Variants in BMPR1B observed in about 807,000 individuals in gnomAD.
BMPR1B encodes the protein bone morphogenetic protein receptor type-1B.
Under a neutral mutation model 59.1 loss-of-function variants are expected in BMPR1B, and 12 were observed. The ratio of observed to expected loss-of-function variants is 0.20; its 90% CI spans 0.13 to 0.33. BMPR1B has a LOEUF of 0.33. Among genes scored for constraint, BMPR1B ranks in the 10% least tolerant of loss-of-function variants. The pLI, the probability that BMPR1B is intolerant of heterozygous loss-of-function variation, is 1.00. For synonymous variants in BMPR1B, 237 were observed against 207.3 expected (o/e 1.14, Z -1.23); for missense variants, 550 against 610.9 (o/e 0.90, Z 1.05).
At chr4:95,047,440 T>C (rs1013348239) in intron 3 of BMPR1B, among the ~76,000 whole-genome samples, 1 of 152,204 alleles carries the variant, frequency 6.6e-6, no homozygotes, top group Non-Finnish European at 1.5e-5. Flanking sequence ...CTGATGTATT[T>C]CTCATAGACT....
chr4:94,759,975 C>A (rs1413346892), intron 1 of BMPR1B, among the ~76,000 whole-genome samples: 1 of 152,150 alleles, frequency 6.6e-6, no homozygotes, highest in Non-Finnish European at 1.5e-5. Context: ...AGCTACAAAA[C>A]TTGATACAGT....
At chr4:94,835,354 TATAAG>T (rs1250406676) in intron 1 of BMPR1B, among the ~76,000 whole-genome samples, 3 of 152,238 alleles carry the variant, frequency 2.0e-5, no homozygotes, top group East Asian at 3.9e-4. Context: ...TTTTTTAAAA[TATAAG>T]ATATGATGAT....
intron 1 of BMPR1B, among the ~76,000 whole-genome samples, chr4:94,826,879 T>G (rs1267817142): frequency 6.6e-6 from 1 of 152,162 alleles, no homozygotes; most frequent in Non-Finnish European, 1.5e-5. Context: ...ATGTAGGAAT[T>G]AAAATATAGT....
intron 3 of BMPR1B, among the ~76,000 whole-genome samples, chr4:95,027,447 G>A (rs1381884812): frequency 2.6e-5 from 4 of 152,114 alleles, no homozygotes; most frequent in Admixed American, 1.3e-4. Flanking sequence ...AACTCAAGTT[G>A]CATTATTATT....
chr4:95,088,221 G>A (rs193117625), intron 3 of BMPR1B, among the ~76,000 whole-genome samples: 7 of 152,214 alleles, frequency 4.6e-5, no homozygotes, highest in African/African-American at 1.4e-4. Context: ...ACTGTTTATA[G>A]TATAATAGCT....
intron 12 of BMPR1B, among the ~76,000 whole-genome samples, chr4:95,154,007 C>A (rs1248531904): frequency 6.6e-6 from 1 of 152,170 alleles, no homozygotes; most frequent in East Asian, 1.9e-4. Flanking sequence ...TACTTGATAT[C>A]TCTTCACTGA....
chr4:94,770,999 A>G lies in BMPR1B; in HGVS notation c.-183+12931A>G, dbSNP rs986240584. Among the ~76,000 whole-genome samples the G allele has an allele frequency of 5.3e-5, 8 of 152,274 alleles. 1 individual carries two copies. Among genetic ancestry groups the G allele is most frequent in the African/African-American group, 1.9e-4 (8 of 41,540 alleles). On this transcript the variant is annotated intron_variant, in intron 1 of 12. Transcript: ENST00000515059. ...ATACACAGACCTTAGAAATTTGTCAAATTGCTAAGAAGTAATTATAACACG... is the reference window on the plus strand; with the variant it reads ...ATACACAGACCTTAGAAATTTGTCAGATTGCTAAGAAGTAATTATAACACG...
chr4:94,896,271 G>T (rs918987941), intron 2 of BMPR1B, among the ~76,000 whole-genome samples: 8 of 152,002 alleles, frequency 5.3e-5, no homozygotes, highest in Admixed American at 1.3e-4. Context: ...TATATACGTA[G>T]CCCAAGAGTA....
chr4:94,818,702 GT>G (rs1255358649), intron 1 of BMPR1B, among the ~76,000 whole-genome samples: 8 of 152,122 alleles, frequency 5.3e-5, no homozygotes, highest in Non-Finnish European at 1.2e-4. Context: ...CTCATCCCAT[GT>G]AATTACTTAT....
chr4:94,917,150 G>T (rs570957595), intron 2 of BMPR1B, among the ~76,000 whole-genome samples: 2 of 152,356 alleles, frequency 1.3e-5, no homozygotes, highest in South Asian at 2.1e-4. Context: ...TCCAGGCAGA[G>T]GCCTGCTACA....
At chr4:95,150,060 TAATC>T (rs1193582809) in intron 11 of BMPR1B, among the ~76,000 whole-genome samples, 2 of 152,204 alleles carry the variant, frequency 1.3e-5, no homozygotes, top group Admixed American at 1.3e-4. Flanking sequence ...AAGAAACAGT[TAATC>T]AACCTGCATT....
intron 3 of BMPR1B, among the ~76,000 whole-genome samples, chr4:95,000,757 A>G (rs1722388747): frequency 6.6e-6 from 1 of 152,204 alleles, no homozygotes; most frequent in African/African-American, 2.4e-5. Flanking sequence ...AACATAAGCA[A>G]AAACACTACC....
chr4:94,873,654 C>G (rs902159320), intron 1 of BMPR1B, among the ~76,000 whole-genome samples: 1 of 152,116 alleles, frequency 6.6e-6, no homozygotes, highest in African/African-American at 2.4e-5. Context: ...GTGATCTGCC[C>G]ACCTCGCCCT....
chr4:94,775,731 C>T (rs779607477), intron 1 of BMPR1B, among the ~76,000 whole-genome samples: 25 of 152,178 alleles, frequency 1.6e-4, no homozygotes, highest in Admixed American at 3.3e-4. Flanking sequence ...ACTGTGTAAA[C>T]CGTGATCCAG....
intron 2 of BMPR1B, among the ~76,000 whole-genome samples, chr4:94,878,246 T>C (rs1171045296): frequency 2.0e-5 from 3 of 152,216 alleles, no homozygotes; most frequent in Non-Finnish European, 1.5e-5. Flanking sequence ...TAATGTGCTA[T>C]TTTTTAATTC....
intron 1 of BMPR1B, among the ~76,000 whole-genome samples, chr4:94,843,471 G>A (rs1225075473): frequency 6.6e-6 from 1 of 152,108 alleles, no homozygotes; most frequent in Non-Finnish European, 1.5e-5. Flanking sequence ...TTCCTTTCAG[G>A]TGTCTAACTT....
At chr4:94,976,939 A>T (rs1375340816) in intron 2 of BMPR1B, among the ~76,000 whole-genome samples, 2 of 152,182 alleles carry the variant, frequency 1.3e-5, no homozygotes, top group Non-Finnish European at 2.9e-5. Context: ...TTTCCAAAAA[A>T]CATGACCTGT....
rs1735336324 is a variant in BMPR1B, at chr4:95,155,262, G to A, written c.*589G>A. On this transcript the variant is annotated 3_prime_UTR_variant, in exon 13 of 13. Transcript: ENST00000515059. ...GCATTTGGGGCCGCTATGGTAATGT[G>A]AATGCACTGGGTACAAACACCGCCT... The A allele has an allele frequency of 6.5e-6, 1 of 154,658 alleles. No homozygotes were observed. The allele number at this position is 154,658 out of a possible 1,614,324, so 9.6% of individuals were successfully genotyped here. A position where few individuals can be genotyped will look rare whatever the true frequency, so the allele number is the denominator to read the frequency against.
At chr4:95,125,634 A>G (rs1020299081) in intron 8 of BMPR1B, among the ~76,000 whole-genome samples, 2 of 152,158 alleles carry the variant, frequency 1.3e-5, no homozygotes, top group Admixed American at 1.3e-4. Context: ...TTGAAAATCA[A>G]TAGTATTACA....
Sources: allele counts gnomAD v4.1 joint callset (sites outside exome capture counted in the v4.1 genomes callset), GRCh38; gene constraint gnomAD v4.1.1; transcripts MANE v1.5; gene names NCBI Gene and HGNC (gene_info 2026-07-23, HGNC 2026-07-21).